Variants in JADE3 observed in about 807,000 individuals in gnomAD.
JADE3 encodes jade family PHD finger 3.
In JADE3, 2 loss-of-function variants were observed where a neutral mutation model predicts 50.1. That is an observed-to-expected ratio of 0.04 (90% confidence interval 0.02 to 0.13). The LOEUF is 0.13. Ranked by LOEUF, JADE3 falls within the 10% of genes least tolerant of loss-of-function variation. The probability of loss-of-function intolerance (pLI) is 1.00; values close to 1 mark genes in which losing one functional copy is unlikely to be tolerated. For missense variants in JADE3, 475 were observed against 634.4 expected (o/e 0.75, Z 2.70); for synonymous variants, 218 against 232.9 (o/e 0.94, Z 0.58).
intron 3 of JADE3, among the ~76,000 whole-genome samples, chrX:46,991,293 A>G (rs1355153587): frequency 9.3e-6 from 1 of 107,939 alleles, no homozygotes; most frequent in South Asian, 4.2e-4. Context: ...CATGTTGGTC[A>G]GGCTGGTCTT....
At chrX:47,027,159 T>C (rs187639768) in intron 5 of JADE3, among the ~76,000 whole-genome samples, 1 of 112,230 alleles carries the variant, frequency 8.9e-6, no homozygotes, top group African/African-American at 3.2e-5. Context: ...ACATAAGTGC[T>C]GTCACAAAAT....
At chrX:46,924,843 A>G (rs1926321524) in intron 1 of JADE3, among the ~76,000 whole-genome samples, 1 of 112,354 alleles carries the variant, frequency 8.9e-6, no homozygotes, top group African/African-American at 3.2e-5. Context: ...AAATTAGAGC[A>G]TGATTTTATC....
Position 47,024,236 on chromosome X carries a change from C to A in JADE3, c.285-488C>A, listed in dbSNP as rs781972559. ...TGGTGGCTCACGCCAGTAATCCCAACACTTTAGGAGGCCAAGTTAGAAGGA... is the reference window on the plus strand; with the variant it reads ...TGGTGGCTCACGCCAGTAATCCCAAAACTTTAGGAGGCCAAGTTAGAAGGA... On this transcript the variant is annotated intron_variant, in intron 4 of 10. Coordinates refer to ENST00000614628, the MANE Select transcript of JADE3 (RefSeq NM_014735.5). 2.7e-5 allele frequency among the ~76,000 whole-genome samples: 3 copies of A among 112,240 alleles called. No individual in the cohort carries two copies. In the South Asian group the frequency reaches 1.1e-3, roughly 42 times the overall value.
chrX:47,004,535 A>G (rs1023552686), intron 4 of JADE3, among the ~76,000 whole-genome samples: 1 of 111,806 alleles, frequency 8.9e-6, no homozygotes, highest in Non-Finnish European at 1.9e-5. Flanking sequence ...AGCCCAAGCA[A>G]TCTTCCCACC....
intron 8 of JADE3, among the ~76,000 whole-genome samples, chrX:47,044,629 G>C (rs1479272270): frequency 1.8e-5 from 2 of 111,521 alleles, no homozygotes; most frequent in Admixed American, 1.9e-4. Flanking sequence ...GAAAAACATG[G>C]AATATTATAA....
chrX:46,915,957 C>T (rs1057371519), intron 1 of JADE3, among the ~76,000 whole-genome samples: 2 of 111,664 alleles, frequency 1.8e-5, no homozygotes, highest in African/African-American at 6.5e-5. Context: ...TTTGCCAAAA[C>T]CCAGGAACTA....
At position 47,015,105 on chromosome X, in the gene JADE3, A is replaced by T. The variant is rs782381315; in HGVS notation, c.285-9619A>T. Among the ~76,000 whole-genome samples, 11 of 112,597 alleles carry T rather than the reference A, an allele frequency of 9.8e-5. No individual in the cohort carries two copies. The South Asian group carries it at 4.0e-3, about 41-fold the overall frequency. ...GGTTTTTAATAAAGAATGTTATAGCAATTCACAATAACATGTGGAAAGTAT... is the reference window on the plus strand; with the variant it reads ...GGTTTTTAATAAAGAATGTTATAGCTATTCACAATAACATGTGGAAAGTAT... On this transcript the variant is annotated intron_variant, in intron 4 of 10. Coordinates refer to ENST00000614628, the MANE Select transcript of JADE3 (RefSeq NM_014735.5).
chrX:47,028,455 G>A (rs898185380), intron 6 of JADE3, among the ~76,000 whole-genome samples: 3 of 109,724 alleles, frequency 2.7e-5, no homozygotes, highest in Admixed American at 9.8e-5. Flanking sequence ...GCCTCATGAG[G>A]TTACACCCAT....
chrX:47,048,610 A>G (rs1201269142), intron 8 of JADE3, among the ~76,000 whole-genome samples: 1 of 112,147 alleles, frequency 8.9e-6, no homozygotes, highest in African/African-American at 3.2e-5. Flanking sequence ...AATTCCACTT[A>G]TATGAAATGT....
At chrX:46,941,613 G>T (rs1926760741) in intron 1 of JADE3, among the ~76,000 whole-genome samples, 1 of 111,589 alleles carries the variant, frequency 9.0e-6, no homozygotes, top group Non-Finnish European at 1.9e-5. Flanking sequence ...GAGTGAGATG[G>T]TATCTCATTG....
intron 1 of JADE3, among the ~76,000 whole-genome samples, chrX:46,956,297 T>G (rs1927113405): frequency 8.9e-6 from 1 of 111,816 alleles, no homozygotes. Context: ...ACTCGTGACC[T>G]CAAGTGATCC....
intron 4 of JADE3, among the ~76,000 whole-genome samples, chrX:47,021,971 C>G (rs1928804750): frequency 8.9e-6 from 1 of 111,971 alleles, no homozygotes; most frequent in Non-Finnish European, 1.9e-5. Flanking sequence ...TGGTTAATGG[C>G]TTTTGTGTCT....
chrX:47,010,466 G>T (rs1359468530), intron 4 of JADE3, among the ~76,000 whole-genome samples: 1 of 111,900 alleles, frequency 8.9e-6, no homozygotes, highest in Non-Finnish European at 1.9e-5. Context: ...GACCTCAGGT[G>T]ATCCGCCTGG....
intron 3 of JADE3, among the ~76,000 whole-genome samples, chrX:46,986,379 T>C (rs1927863496): frequency 1.8e-5 from 2 of 112,635 alleles, no homozygotes; most frequent in African/African-American, 6.4e-5. Context: ...AAAGATTTCA[T>C]TTTCTATCTC....
intron 1 of JADE3, among the ~76,000 whole-genome samples, chrX:46,920,264 G>C (rs1413415399): frequency 8.9e-6 from 1 of 112,236 alleles, no homozygotes; most frequent in Non-Finnish European, 1.9e-5. Flanking sequence ...AATGCCTCAC[G>C]ATAGTGTACT....
At chrX:46,944,649 T>A (rs191628925) in intron 1 of JADE3, among the ~76,000 whole-genome samples, 13 of 110,793 alleles carry the variant, frequency 1.2e-4, no homozygotes, top group African/African-American at 3.9e-4. Flanking sequence ...CTGTAAACTT[T>A]CCTCTTAACA....
At chrX:47,021,094 A>T (rs1451387009) in intron 4 of JADE3, among the ~76,000 whole-genome samples, 1 of 110,519 alleles carries the variant, frequency 9.0e-6, no homozygotes, top group African/African-American at 3.3e-5. Context: ...CCTAAAAAAA[A>T]AAAAGAAAAT....
At chrX:47,050,997 C>T (rs1929491869) in intron 8 of JADE3, among the ~76,000 whole-genome samples, 1 of 111,743 alleles carries the variant, frequency 8.9e-6, no homozygotes, top group African/African-American at 3.3e-5. Context: ...CGAGAGGCTT[C>T]AGTGTAATAT....
At position 46,949,451 on chromosome X, in the gene JADE3, T is replaced by C. The variant is rs1010523483; in HGVS notation, c.-11-35433T>C. ...ATTGTAAAACAGCTTTCCGAAGATTTTATCCTAATTTACATTCTCACCAGC... is the reference window on the plus strand; with the variant it reads ...ATTGTAAAACAGCTTTCCGAAGATTCTATCCTAATTTACATTCTCACCAGC... On this transcript the variant is annotated intron_variant, in intron 1 of 10. Coordinates refer to ENST00000614628, the MANE Select transcript of JADE3 (RefSeq NM_014735.5). Among the ~76,000 whole-genome samples the C allele has an allele frequency of 2.7e-5, 3 of 112,107 alleles. No homozygotes were observed. In the East Asian group the frequency reaches 8.4e-4, roughly 31 times the overall value.
Sources: gnomAD v4.1 joint callset for allele counts (sites outside exome capture counted in the v4.1 genomes callset) on GRCh38, gnomAD v4.1.1 for gene constraint, MANE v1.5 for transcripts, NCBI Gene and HGNC (gene_info 2026-07-23, HGNC 2026-07-21) for gene names.